Variants in TBC1D4 observed in about 807,000 individuals in gnomAD.
TBC1D4 encodes TBC1 domain family member 4, also known as TBC (Tre-2, BUB2, CDC16) domain-containing protein.
Under a neutral mutation model 142.5 loss-of-function variants are expected in TBC1D4, and 121 were observed. The ratio of observed to expected loss-of-function variants is 0.85; its 90% CI spans 0.73 to 0.99. The LOEUF (loss-of-function observed/expected upper bound fraction) is 0.99. TBC1D4 is among the 50% of genes least tolerant of loss of function. The probability of loss-of-function intolerance (pLI) is 0.00; values close to 1 mark genes in which losing one functional copy is unlikely to be tolerated. For synonymous variants in TBC1D4, 630 were observed against 628.2 expected, an observed-to-expected ratio of 1.00 and a Z score of -0.04; for missense variants, 1,475 against 1,606.6, an observed-to-expected ratio of 0.92 and a Z score of 1.40.
Position 75,299,368 on chromosome 13 carries a change from A to T in TBC1D4, c.3118T>A (p.Phe1040Ile). 1 of 1,614,186 alleles carries T rather than the reference A, an allele frequency of 6.2e-7. No individual in the cohort carries two copies. Among genetic ancestry groups the T allele is most frequent in the Non-Finnish European group, 8.5e-7 (1 of 1,180,032 alleles). ...MLKFLMYDLGFRKQYRPDMMS... is the reference protein window; with the variant it reads ...MLKFLMYDLGIRKQYRPDMMS... ...ATGTCAGGTCTGTACTGCTTGCGGA[A>T]GCCGAGGTCATACATGAGGAATTTC... The change falls in exon 17 of 21, where the codon TTC becomes ATC. Residue 1040 changes from phenylalanine to isoleucine, a missense_variant. By Grantham distance (21) the Phe-to-Ile change is conservative. Transcript: ENST00000377636.
rs202043216 is a variant in TBC1D4, at chr13:75,326,336, C to T, written c.1894G>A (p.Asp632Asn). Residue 632 changes from aspartate to asparagine, a missense_variant, in exon 10 of 21, where the codon GAC becomes AAC. This residue lies in a region of TBC1D4 where 1,227 missense variants were observed against 1,267.7 expected (regional missense o/e 0.97). Coordinates refer to ENST00000377636, the MANE Select transcript of TBC1D4 (RefSeq NM_014832.5). ...GCCCGTCTTCGAAACTGCGGGGAGT[C>T]GGAATCCTCTTCGGGAAACGTTTGC... Reference protein sequence around the residue: ...AWQTFPEEDSDSPQFRRRAHT... With the variant: ...AWQTFPEEDSNSPQFRRRAHT... 4.3e-5 allele frequency: 70 copies of T among 1,613,928 alleles called. No homozygotes were observed. The highest frequency in any genetic ancestry group is 8.9e-5 in the East Asian group (4 of 44,872).
At chr13:75,301,961 G>A (rs999778831) in intron 16 of TBC1D4, among the ~76,000 whole-genome samples, 5 of 152,136 alleles carry the variant, frequency 3.3e-5, no homozygotes, top group Admixed American at 6.5e-5. Flanking sequence ...TGCAGTAACT[G>A]AGAGCACCCC....
chr13:75,329,712 T>A (rs1369411370), intron 8 of TBC1D4, among the ~76,000 whole-genome samples: 1 of 152,192 alleles, frequency 6.6e-6, no homozygotes, highest in East Asian at 1.9e-4. Context: ...GAACTAAATT[T>A]TTTAAAAAAT....
chr13:75,450,320 C>T (rs1485577474), intron 1 of TBC1D4, among the ~76,000 whole-genome samples: 1 of 152,180 alleles, frequency 6.6e-6, no homozygotes, highest in African/African-American at 2.4e-5. Flanking sequence ...AGTGTAATAG[C>T]AACATTCCTG....
Position 75,326,367 on chromosome 13 carries a change from T to G in TBC1D4, c.1863A>C (p.Ser621=). Residue 621 remains serine, a synonymous_variant, in exon 10 of 21, where the codon TCA becomes TCC. Coordinates refer to ENST00000377636, the MANE Select transcript of TBC1D4 (RefSeq NM_014832.5). Reference sequence around the variant, plus strand: ...CCTCTTCGGGAAACGTTTGCCAAGCTGAGGACGGTGGGGACGCTGGCGGTG... The same window carrying G: ...CCTCTTCGGGAAACGTTTGCCAAGCGGAGGACGGTGGGGACGCTGGCGGTG... ...PGTPPASPPS[S]AWQTFPEEDS... 6.2e-7 allele frequency: 1 copy of G among 1,614,122 alleles called. No homozygotes were observed. The highest frequency in any genetic ancestry group is 8.5e-7 in the Non-Finnish European group (1 of 1,180,020).
intron 1 of TBC1D4, among the ~76,000 whole-genome samples, chr13:75,391,195 TACACACACACACACACAC>T (rs111629817): frequency 4.9e-5 from 7 of 141,932 alleles, no homozygotes; most frequent in Non-Finnish European, 1.1e-4. Context: ...CCCATCAGTT[TACACACACACACACACAC>T]ACACACACAC....
chr13:75,379,222 CTTGA>C (rs1274838876), intron 1 of TBC1D4, among the ~76,000 whole-genome samples: 2 of 151,958 alleles, frequency 1.3e-5, no homozygotes, highest in African/African-American at 4.8e-5. Flanking sequence ...TAAATTATTA[CTTGA>C]TTTACACAAA....
At chr13:75,364,440 A>G (rs1882780073) in intron 1 of TBC1D4, among the ~76,000 whole-genome samples, 1 of 152,238 alleles carries the variant, frequency 6.6e-6, no homozygotes, top group Admixed American at 6.5e-5. Context: ...TAGACCAAGT[A>G]TTTCCTATGA....
rs8001259 is a variant in TBC1D4, at chr13:75,312,727, G to A, written c.2383+11C>T. On this transcript the variant is annotated intron_variant, in intron 13 of 20. Transcript: ENST00000377636. ...CAGAGGGATAAATTCCTTAGGGAGT[G>A]CAACACAGACCTTGCTGTTGCATTG... 6.2e-6 allele frequency: 10 copies of A among 1,614,030 alleles called. No individual in the cohort carries two copies. The South Asian group carries it at 6.6e-5, about 11-fold the overall frequency.
chr13:75,465,367 A>G (rs9573554), intron 1 of TBC1D4, among the ~76,000 whole-genome samples: 17,648 of 152,286 alleles, frequency 0.12, 1,194 homozygotes, highest in East Asian at 0.28. Flanking sequence ...AGTTTACAAC[A>G]TAACTGAACA....
chr13:75,462,977 A>T (rs1888031413), intron 1 of TBC1D4, among the ~76,000 whole-genome samples: 1 of 152,188 alleles, frequency 6.6e-6, no homozygotes, highest in Middle Eastern at 3.2e-3. Context: ...TGTAGAACAC[A>T]ACCTTATGAT....
intron 17 of TBC1D4, among the ~76,000 whole-genome samples, chr13:75,295,857 G>C (rs962570330): frequency 6.6e-6 from 1 of 152,140 alleles, no homozygotes; most frequent in South Asian, 2.1e-4. Context: ...ATATTGGCTT[G>C]ATATTTTGGT....
At chr13:75,307,292 A>G (rs1193330696) in intron 14 of TBC1D4, among the ~76,000 whole-genome samples, 5 of 152,230 alleles carry the variant, frequency 3.3e-5, no homozygotes, top group African/African-American at 1.2e-4. Flanking sequence ...AAACTTAAAA[A>G]GAAAAATTCC....
intron 8 of TBC1D4, among the ~76,000 whole-genome samples, chr13:75,331,711 C>A (rs190239269): frequency 1.4e-4 from 22 of 152,026 alleles, no homozygotes; most frequent in Admixed American, 1.4e-3. Flanking sequence ...AGTTTCTTTG[C>A]ATTTAAAAAA....
chr13:75,364,561 T>C (rs1456944297), intron 1 of TBC1D4, among the ~76,000 whole-genome samples: 1 of 152,216 alleles, frequency 6.6e-6, no homozygotes, highest in East Asian at 1.9e-4. Flanking sequence ...CCTCAACCCT[T>C]CATCATTTTC....
intron 15 of TBC1D4, chr13:75,302,882 A>G (rs1876722003): frequency 5.1e-6 from 1 of 197,548 alleles, no homozygotes; most frequent in African/African-American, 2.3e-5. Flanking sequence ...GATATCCCAA[A>G]GTGTATTACT....
chr13:75,426,168 G>A (rs1039656659), intron 1 of TBC1D4, among the ~76,000 whole-genome samples: 2 of 151,990 alleles, frequency 1.3e-5, no homozygotes, highest in Non-Finnish European at 2.9e-5. Context: ...AAAAATGGCC[G>A]ACAGGGATAT....
In TBC1D4 at chr13:75,306,374, C is replaced by G; in HGVS notation, c.2691G>C (p.Leu897Phe). 4 of 1,613,204 alleles carry G rather than the reference C, an allele frequency of 2.5e-6. No homozygotes were observed. Among genetic ancestry groups the G allele is most frequent in the Non-Finnish European group, 3.4e-6 (4 of 1,179,786 alleles). ...KEVLITWDKK[L>F]LNCRAKIRCD... is the part of the protein sequence containing the mutation. ...ATCTGATTTTAGCTCTGCAGTTTAA[C>G]AACTTCTTATCCCAAGTTATTAAGA... Residue 897 changes from leucine (L) to phenylalanine (F), a missense_variant, in exon 15 of 21, where the codon TTG becomes TTC. Around this residue, in one of 2 missense-constraint regions of TBC1D4, gnomAD observed 1,227 missense variants for 1,267.7 expected, o/e 0.97. Transcript: ENST00000377636.
At chr13:75,342,621 T>G (rs1279038683) in intron 5 of TBC1D4, among the ~76,000 whole-genome samples, 1 of 152,180 alleles carries the variant, frequency 6.6e-6, no homozygotes, top group African/African-American at 2.4e-5. Context: ...TGGGAAAATC[T>G]TTTTTCATGA....
Sources: allele counts gnomAD v4.1 joint callset (sites outside exome capture counted in the v4.1 genomes callset), GRCh38; gene constraint gnomAD v4.1.1; regional missense constraint gnomAD v4.1.1; transcripts MANE v1.5; gene names NCBI Gene and HGNC (gene_info 2026-07-23, HGNC 2026-07-21).